The following SPATA22 variants were observed in gnomAD, a reference collection of about 807,000 sequenced individuals.
SPATA22 encodes spermatogenesis associated 22.
In SPATA22, 29 loss-of-function variants were observed where a neutral mutation model predicts 47.8. That is an observed-to-expected ratio of 0.61 (90% confidence interval 0.45 to 0.83). The LOEUF (loss-of-function observed/expected upper bound fraction) is 0.83. Among genes scored for constraint, SPATA22 ranks in the 40% least tolerant of loss-of-function variants. SPATA22 has a pLI of 0.00. For synonymous variants in SPATA22, 133 were observed against 140.9 expected, an observed-to-expected ratio of 0.94 and a Z score of 0.40; for missense variants, 410 against 421.7, an observed-to-expected ratio of 0.97 and a Z score of 0.24.
rs2073770386 is a variant in SPATA22, at chr17:3,488,715, T to C, written c.-73-19317A>G. ...TATTGTGTTAGGATGGATTGCTAGG[T>C]TAAGGGCAAAATCATTGCTCAAGGG... On this transcript the variant is annotated intron_variant, in intron 1 of 8. Transcript: ENST00000541913. This position sits in a 1 kb window ranked among gnomAD's most constrained non-coding sequence, Gnocchi z 6.1. Among the ~76,000 whole-genome samples, 1 of 152,254 alleles carries C rather than the reference T, an allele frequency of 6.6e-6. No homozygotes were observed. The highest frequency in any genetic ancestry group is 2.1e-4 in the South Asian group (1 of 4,816).
chr17:3,498,051 C>T (rs2073937063), intron 1 of SPATA22, among the ~76,000 whole-genome samples: 1 of 152,150 alleles, frequency 6.6e-6, no homozygotes, highest in Non-Finnish European at 1.5e-5. Context: ...TTGGAATACA[C>T]CCACCTTGTC....
At chr17:3,473,159 G>A (rs868193364), upstream of SPATA22, among the ~76,000 whole-genome samples, 2 of 146,618 alleles carry the variant, frequency 1.4e-5, no homozygotes, top group Middle Eastern at 3.8e-3. Flanking sequence ...TGTAGGGACT[G>A]CAGACATGAG....
rs144755363 is a variant in SPATA22 at position 3,448,992 on chromosome 17, G to T, written c.487C>A (p.Pro163Thr). The change falls in exon 6 of 9, where the codon CCT becomes ACT. Residue 163 changes from proline to threonine, a missense_variant. Transcript: ENST00000572969. ...TCTTTGTTGCGAGATAAGTTAGGAG[G>T]TTCAGGTATTCTTAATTGTTTTTGT... is the stretch of plus-strand genomic sequence containing the variant. ...QQQKQLRIPE[P>T]PNLSRNKETE... The T allele has an allele frequency of 1.2e-6, 2 of 1,613,926 alleles. No individual in the cohort carries two copies. Among genetic ancestry groups the T allele is most frequent in the Middle Eastern group, 3.3e-4 (2 of 6,058 alleles).
chr17:3,449,290 A>G (rs963515722), intron 5 of SPATA22, 141 bp from the exon 6 acceptor site: 3 of 615,252 alleles, frequency 4.9e-6, no homozygotes, highest in African/African-American at 3.7e-5. Flanking sequence ...TTCCAAATAC[A>G]TCACAACAAC....
At chr17:3,477,059 G>A (rs1464979300) in intron 1 of SPATA22, among the ~76,000 whole-genome samples, 1 of 152,100 alleles carries the variant, frequency 6.6e-6, no homozygotes, top group Non-Finnish European at 1.5e-5. Context: ...GGAGGCTGAG[G>A]CAGGAGAATG....
chr17:3,504,593 T>C (rs1325575277), intron 1 of SPATA22, among the ~76,000 whole-genome samples: 1 of 150,736 alleles, frequency 6.6e-6, no homozygotes, highest in Non-Finnish European at 1.5e-5. Flanking sequence ...GTTTCACTCT[T>C]GCTGCCCAAG....
chr17:3,476,465 A>C, upstream of SPATA22: 11 of 1,358,766 alleles, frequency 8.1e-6, no homozygotes, highest in Non-Finnish European at 1.2e-5. Flanking sequence ...GAAAGAGAAC[A>C]CATATATGTA....
At chr17:3,443,294 A>G (rs927886989) in intron 7 of SPATA22, 23 bp from the exon 8 acceptor site, 12 of 1,519,680 alleles carry the variant, frequency 7.9e-6, no homozygotes, top group Non-Finnish European at 2.7e-6. Flanking sequence ...GAAATGGGGG[A>G]AAAAATGAAT....
chr17:3,489,342 GGTAA>G lies in SPATA22; in HGVS notation c.-73-19948_-73-19945del, dbSNP rs778693280. On this transcript the variant is annotated intron_variant, in intron 1 of 8. Transcript: ENST00000541913. Reference sequence around the variant, plus strand: ...TGATTTTATACATCATTTCAATGAAGGTAAGTAATAATGAAGGTAACGTTATCAA... The same window carrying G: ...TGATTTTATACATCATTTCAATGAAGGTAATAATGAAGGTAACGTTATCAA... 1.0e-5 allele frequency: 16 copies of G among 1,590,038 alleles called. No homozygotes were observed. Among genetic ancestry groups the G allele is most frequent in the Middle Eastern group, 3.4e-4 (2 of 5,932 alleles).
intron 1 of SPATA22, among the ~76,000 whole-genome samples, chr17:3,507,803 T>C (rs2074056317): frequency 6.6e-6 from 1 of 152,176 alleles, no homozygotes; most frequent in Non-Finnish European, 1.5e-5. Context: ...AAGGAATCCT[T>C]TGGGGAGGTA....
At position 3,482,303 on chromosome 17, in the gene SPATA22, G is replaced by A. The variant is rs145607908; in HGVS notation, c.-73-12905C>T. Among the ~76,000 whole-genome samples the A allele has an allele frequency of 3.5e-3, 533 of 152,086 alleles. 1 individual carries two copies. Among genetic ancestry groups the A allele is most frequent in the African/African-American group, 0.011 (455 of 41,482 alleles). On this transcript the variant is annotated intron_variant, in intron 1 of 8. Transcript: ENST00000541913. ...ATTGCCTCCCTTTAGTCCTGCCCTC[G>A]TCCCCATTTGATTTAGACACCCCAG... is the stretch of plus-strand genomic sequence containing the variant.
At chr17:3,487,438 G>T (rs912339378) in intron 1 of SPATA22, among the ~76,000 whole-genome samples, 22 of 152,276 alleles carry the variant, frequency 1.4e-4, no homozygotes, top group African/African-American at 4.6e-4. Context: ...GGCTCAACTT[G>T]TAAGGGCCAA....
chr17:3,446,320 C>T, intron 7 of SPATA22, 152 bp downstream of exon 7: 2 of 619,000 alleles, frequency 3.2e-6, no homozygotes, highest in Non-Finnish European at 2.6e-6. Flanking sequence ...TTCTATCTAC[C>T]ACAGGGACTA....
chr17:3,440,456 C>A (rs111492019), intron 8 of SPATA22, 118 bp from the exon 9 acceptor site: 41 of 812,558 alleles, frequency 5.0e-5, no homozygotes, highest in Non-Finnish European at 7.6e-5. Flanking sequence ...AATTCCTTCA[C>A]GTGAGTCAGG....
intron 1 of SPATA22, among the ~76,000 whole-genome samples, chr17:3,493,442 T>C (rs1032976153): frequency 3.3e-5 from 5 of 149,392 alleles, no homozygotes; most frequent in Admixed American, 6.8e-5. Context: ...ATGCCCATAG[T>C]CCCAGCTACT....
intron 5 of SPATA22, among the ~76,000 whole-genome samples, chr17:3,450,972 G>C (rs1474672998): frequency 6.6e-6 from 1 of 152,222 alleles, no homozygotes; most frequent in Non-Finnish European, 1.5e-5. Flanking sequence ...TATCTGTGAA[G>C]TGCAATAAAG....
rs550572057 is a variant in SPATA22 at position 3,477,154 on chromosome 17, C to CA, written c.-73-7757dup. 3.5e-3 allele frequency among the ~76,000 whole-genome samples: 539 copies of CA among 151,864 alleles called. 4 individuals carry two copies. Among genetic ancestry groups the CA allele is most frequent in the African/African-American group, 0.012 (491 of 41,414 alleles). ...TGGGAGACAGAGCAAGACTCCGTCT[C>CA]AAAAAAATAAATAAATAAATAAAAA... On this transcript the variant is annotated intron_variant, in intron 1 of 8. Coordinates refer to the SPATA22 transcript ENST00000541913.
At chr17:3,468,902 T>A in intron 2 of SPATA22, 2 of 942,682 alleles carry the variant, frequency 2.1e-6, no homozygotes, top group Non-Finnish European at 2.5e-6. Flanking sequence ...TTTATACTAA[T>A]AAATTGGGAA....
upstream of SPATA22, among the ~76,000 whole-genome samples, chr17:3,473,723 C>T (rs7222843): frequency 0.054 from 8,248 of 152,142 alleles, 432 homozygotes; most frequent in African/African-American, 0.13. Context: ...GTCTCGAACT[C>T]CTGACCTTAG....
Sources: allele counts gnomAD v4.1 joint callset (sites outside exome capture counted in the v4.1 genomes callset), GRCh38; gene constraint gnomAD v4.1.1; non-coding constraint Gnocchi (gnomAD v3.1); transcripts MANE v1.5; gene names NCBI Gene and HGNC (gene_info 2026-07-23, HGNC 2026-07-21).